Variants in TRIM24 observed in about 807,000 individuals in gnomAD.
TRIM24 encodes transcription intermediary factor 1-alpha.
TRIM24 carries 29 observed loss-of-function variants against 123.9 expected under a neutral mutation model. The ratio of observed to expected loss-of-function variants is 0.23; its 90% CI spans 0.17 to 0.32. The LOEUF (loss-of-function observed/expected upper bound fraction) is 0.32. TRIM24 is among the 10% of genes least tolerant of loss of function. The pLI is 1.00. For missense variants in TRIM24, 932 were observed against 1,295.3 expected (o/e 0.72, Z 4.31); for synonymous variants, 456 against 461.1 (o/e 0.99, Z 0.14).
At chr7:138,584,702 G>C in intron 18 of TRIM24, 40 bp from the exon 19 acceptor site, 4 of 1,488,496 alleles carry the variant, frequency 2.7e-6, no homozygotes, top group Non-Finnish European at 3.6e-6. Context: ...GAAGTCAAAA[G>C]TGTGTCCTTT....
At position 138,569,056 on chromosome 7, in the gene TRIM24, A is replaced by T. The variant is rs186682335; in HGVS notation, c.1704+1402A>T. On this transcript the variant is annotated intron_variant, in intron 10 of 18. Transcript: ENST00000343526. ...CATCATTAGAAGGAAAGTAAAAAGG[A>T]CCCAAGCTTCAGTTTGGCCTTAAAT... Among the ~76,000 whole-genome samples, 394 of 152,324 alleles carry T rather than the reference A, an allele frequency of 2.6e-3. 1 individual carries two copies. Among genetic ancestry groups the T allele is most frequent in the African/African-American group, 9.1e-3 (378 of 41,574 alleles).
At chr7:138,482,510 C>T (rs947151487) in intron 1 of TRIM24, among the ~76,000 whole-genome samples, 6 of 152,228 alleles carry the variant, frequency 3.9e-5, no homozygotes, top group Non-Finnish European at 7.4e-5. Flanking sequence ...AGCATCCTAA[C>T]AAAGTTTGAA....
chr7:138,585,191 A>C lies in TRIM24; in HGVS notation c.*240A>C, dbSNP rs1797989423. 1 of 343,020 alleles carries C rather than the reference A, an allele frequency of 2.9e-6. No homozygotes were observed. The highest frequency in any genetic ancestry group is 5.2e-6 in the Non-Finnish European group (1 of 192,198). 21.2% of individuals were successfully genotyped at this position (343,020 alleles called of 1,614,324 possible). A position where few individuals can be genotyped will look rare whatever the true frequency, so the allele number is the denominator to read the frequency against. ...AAATGGAAAGAAGGAAAAAAGGAGG[A>C]TAGAAAAAGGATGGAAGAAAGAAGC... On this transcript the variant is annotated 3_prime_UTR_variant, in exon 19 of 19. Coordinates refer to ENST00000343526, the MANE Select transcript of TRIM24 (RefSeq NM_015905.3).
rs1455622218 is a variant in TRIM24, at chr7:138,554,878, G to A, written c.1442G>A (p.Arg481Lys). ...ATGCAGCAACAGGTAATGGCTCAGAGGCAACAGGTGCAACGGAGGCCAGCA... is the reference window on the plus strand; with the variant it reads ...ATGCAGCAACAGGTAATGGCTCAGAAGCAACAGGTGCAACGGAGGCCAGCA... ...QHMQQQVMAQ[R>K]QQVQRRPAPV... The change falls in exon 9 of 19, where the codon AGG (arginine) becomes AAG (lysine). Residue 481 changes from arginine (R) to lysine (K), a missense_variant. Transcript: ENST00000343526. The surrounding 1 kb of genome is among the most constrained non-coding windows in gnomAD (Gnocchi z 4.5). The A allele has an allele frequency of 1.4e-5, 23 of 1,614,142 alleles. No individual in the cohort carries two copies. The highest frequency in any genetic ancestry group is 1.9e-5 in the Non-Finnish European group (23 of 1,180,012).
At position 138,529,155 on chromosome 7, in the gene TRIM24, G is replaced by T; in HGVS notation, c.921G>T (p.Gln307His). The part of the protein sequence containing the change: ...EVNQNQKQVE[Q>H]DIKVAIFTLM... Reference sequence around the variant, plus strand: ...ATCAAAATCAAAAGCAGGTGGAACAGGATATTAAAGTTGCTATATTTACAC... The same window carrying T: ...ATCAAAATCAAAAGCAGGTGGAACATGATATTAAAGTTGCTATATTTACAC... Residue 307 changes from glutamine (Q) to histidine (H), a missense_variant, in exon 6 of 19, where the codon CAG becomes CAT. This residue lies in a region of TRIM24 where 527 missense variants were observed against 691.3 expected (regional missense o/e 0.76). Coordinates refer to ENST00000343526, the MANE Select transcript of TRIM24 (RefSeq NM_015905.3). 6.4e-7 allele frequency: 1 copy of T among 1,574,426 alleles called. No individual in the cohort carries two copies. Among genetic ancestry groups the T allele is most frequent in the South Asian group, 1.2e-5 (1 of 83,728 alleles).
At position 138,461,077 on chromosome 7, in the gene TRIM24, C is replaced by T. The variant is rs867063956; in HGVS notation, c.364+165C>T. 29 of 805,684 alleles carry T rather than the reference C, an allele frequency of 3.6e-5. 1 individual carries two copies. In the Middle Eastern group the frequency reaches 3.0e-3, roughly 82 times the overall value. 49.9% of individuals were successfully genotyped at this position (805,684 alleles called of 1,614,324 possible). Reference sequence around the variant, plus strand: ...TGGCGACGGTGACATGGAGGGCCCGCGCTCTGCGGCGTGTCGCGCTCGGCC... The same window carrying T: ...TGGCGACGGTGACATGGAGGGCCCGTGCTCTGCGGCGTGTCGCGCTCGGCC... On this transcript the variant is annotated intron_variant, in intron 1 of 18. Transcript: ENST00000343526.
chr7:138,523,301 T>A (rs976388779), intron 4 of TRIM24, among the ~76,000 whole-genome samples: 1 of 152,220 alleles, frequency 6.6e-6, no homozygotes, highest in Non-Finnish European at 1.5e-5. Flanking sequence ...TTACATGATA[T>A]TGGAAAACTT....
chr7:138,545,693 A>G (rs1383680507), intron 7 of TRIM24, among the ~76,000 whole-genome samples: 1 of 152,150 alleles, frequency 6.6e-6, no homozygotes, highest in African/African-American at 2.4e-5. Flanking sequence ...TTGGTTTCAA[A>G]ATACCAAAGA....
At chr7:138,536,364 TTGA>T (rs1415739189) in intron 6 of TRIM24, among the ~76,000 whole-genome samples, 3 of 152,238 alleles carry the variant, frequency 2.0e-5, no homozygotes, top group African/African-American at 7.2e-5. Flanking sequence ...CCTTTGGTCT[TTGA>T]TGATGGTGAT....
At chr7:138,539,892 G>C (rs979671325) in intron 7 of TRIM24, among the ~76,000 whole-genome samples, 7 of 147,496 alleles carry the variant, frequency 4.7e-5, no homozygotes, top group Admixed American at 4.2e-4. Flanking sequence ...GCTCCACCTC[G>C]CCGGTTCACA....
chr7:138,581,582 C>A, intron 16 of TRIM24, 115 bp from the exon 17 acceptor site: 2 of 826,662 alleles, frequency 2.4e-6, no homozygotes, highest in Non-Finnish European at 3.6e-6. Context: ...TTGTATTCAT[C>A]TGGGTTTTAA....
intron 9 of TRIM24, among the ~76,000 whole-genome samples, chr7:138,564,332 G>A (rs1038718790): frequency 3.9e-5 from 6 of 152,116 alleles, no homozygotes; most frequent in South Asian, 4.1e-4. Context: ...CTGGGGCTCC[G>A]ATCTTTCCTT....
rs367853276 is a variant in TRIM24 at position 138,484,543 on chromosome 7, A to G, written c.365-19747A>G. ...AATAAACTTTCCTAGGCAGAAGTCT[A>G]CTTTGTGATGGCATATTATTCTTTT... On this transcript the variant is annotated intron_variant, in intron 1 of 18. Transcript: ENST00000343526. 2.2e-3 allele frequency among the ~76,000 whole-genome samples: 334 copies of G among 152,128 alleles called. 2 individuals carry two copies. Among genetic ancestry groups the G allele is most frequent in the African/African-American group, 7.6e-3 (314 of 41,514 alleles).
chr7:138,505,988 G>A (rs1796143900), intron 2 of TRIM24, among the ~76,000 whole-genome samples: 1 of 152,130 alleles, frequency 6.6e-6, no homozygotes, highest in Non-Finnish European at 1.5e-5. Context: ...AGAAGATCTG[G>A]GAAAGAACTA....
At chr7:138,539,484 ACT>A (rs753250022) in intron 7 of TRIM24, among the ~76,000 whole-genome samples, 2 of 152,028 alleles carry the variant, frequency 1.3e-5, no homozygotes, top group Admixed American at 1.3e-4. Context: ...CCTTCAGGTG[ACT>A]CTGATGCTGC....
At chr7:138,512,833 C>A (rs1796317909) in intron 2 of TRIM24, among the ~76,000 whole-genome samples, 1 of 152,166 alleles carries the variant, frequency 6.6e-6, no homozygotes. Context: ...GCTTGAATTC[C>A]TCCCTTGAAA....
intron 7 of TRIM24, among the ~76,000 whole-genome samples, chr7:138,547,800 C>T (rs941660499): frequency 3.3e-5 from 5 of 152,146 alleles, no homozygotes; most frequent in Admixed American, 2.6e-4. Context: ...CATGCCACCA[C>T]ACCTGGCTAA....
chr7:138,489,937 G>A (rs1212082350), intron 1 of TRIM24, among the ~76,000 whole-genome samples: 2 of 152,188 alleles, frequency 1.3e-5, no homozygotes, highest in Admixed American at 6.5e-5. Flanking sequence ...ATAATATCCC[G>A]AAGAGTGTTT....
At chr7:138,580,247 GA>G (rs1222508263) in intron 15 of TRIM24, among the ~76,000 whole-genome samples, 1 of 151,966 alleles carries the variant, frequency 6.6e-6, no homozygotes, top group Non-Finnish European at 1.5e-5. Flanking sequence ...TCCTTTGGAG[GA>G]AAAAAATTCA....
Sources: gnomAD v4.1 joint callset for allele counts (sites outside exome capture counted in the v4.1 genomes callset) on GRCh38, gnomAD v4.1.1 for gene constraint, gnomAD v4.1.1 regional missense constraint, Gnocchi (gnomAD v3.1) non-coding constraint, MANE v1.5 for transcripts, NCBI Gene and HGNC (gene_info 2026-07-23, HGNC 2026-07-21) for gene names.